The following IQSEC1 variants were observed in gnomAD, a reference collection of about 807,000 sequenced individuals.
The protein encoded by IQSEC1 is IQ motif and Sec7 domain ArfGEF 1.
A neutral mutation model predicts 91.0 loss-of-function variants in IQSEC1; 31 were observed. The observed-to-expected ratio is 0.34, with a 90% CI of 0.26 to 0.46. The LOEUF is 0.46. IQSEC1 is among the 20% of genes least tolerant of loss of function. The pLI, the probability that IQSEC1 is intolerant of heterozygous loss-of-function variation, is 1.00. For missense variants in IQSEC1, 1,388 were observed against 1,575.6 expected, an observed-to-expected ratio of 0.88 and a Z score of 2.02; for synonymous variants, 699 against 662.6, an observed-to-expected ratio of 1.05 and a Z score of -0.84.
chr3:12,997,595 A>G (rs1702271976), intron 1 of IQSEC1, among the ~76,000 whole-genome samples: 1 of 152,244 alleles, frequency 6.6e-6, no homozygotes. Context: ...TAGATGGCAC[A>G]GCCTACTACA....
At chr3:13,108,694 A>G (rs1206996711) in intron 2 of IQSEC1, among the ~76,000 whole-genome samples, 1 of 152,210 alleles carries the variant, frequency 6.6e-6, no homozygotes, top group Non-Finnish European at 1.5e-5. Flanking sequence ...ACCCAGCAGC[A>G]ACCTCATTGC....
chr3:13,027,874 T>C (rs1703682251), intron 1 of IQSEC1, among the ~76,000 whole-genome samples: 1 of 152,362 alleles, frequency 6.6e-6, no homozygotes, highest in South Asian at 2.1e-4. Flanking sequence ...ACGTAACAGC[T>C]CTTGATTTTT....
At chr3:13,106,446 G>T (rs1157068742) in intron 2 of IQSEC1, among the ~76,000 whole-genome samples, 1 of 152,196 alleles carries the variant, frequency 6.6e-6, no homozygotes. Flanking sequence ...GTCAGGTGTG[G>T]TTCTAAGCTC....
At chr3:13,153,419 C>T (rs2124964733) in intron 2 of IQSEC1, among the ~76,000 whole-genome samples, 1 of 152,298 alleles carries the variant, frequency 6.6e-6, no homozygotes, top group Non-Finnish European at 1.5e-5. Flanking sequence ...GAGAAGGTCT[C>T]ATTAGCAGAA....
At chr3:13,163,375 G>A (rs1162288722) in intron 2 of IQSEC1, among the ~76,000 whole-genome samples, 2 of 152,144 alleles carry the variant, frequency 1.3e-5, no homozygotes, top group Non-Finnish European at 2.9e-5. Flanking sequence ...GGGGACTGGG[G>A]GTCCGTGGGC....
At chr3:13,241,583 C>A (rs1224313501) in intron 1 of IQSEC1, among the ~76,000 whole-genome samples, 3 of 152,242 alleles carry the variant, frequency 2.0e-5, no homozygotes, top group Non-Finnish European at 4.4e-5. Flanking sequence ...TTGTCTTCCT[C>A]TTCTGAATAG....
intron 2 of IQSEC1, among the ~76,000 whole-genome samples, chr3:13,122,917 C>T (rs895137988): frequency 2.0e-5 from 3 of 152,180 alleles, no homozygotes; most frequent in East Asian, 3.9e-4. Flanking sequence ...GCCTTGGTCA[C>T]GCTCCCAGGA....
intron 1 of IQSEC1, among the ~76,000 whole-genome samples, chr3:13,219,109 A>AGGAAAAAG (rs1258540164): frequency 6.6e-6 from 1 of 152,194 alleles, no homozygotes; most frequent in African/African-American, 2.4e-5. Context: ...TTTGTGCCAC[A>AGGAAAAAG]GCAGGAAAGG....
rs149304009 is a variant in IQSEC1, at chr3:13,061,453, T to C, written c.23+11539A>G. ...ATAAGTGTTCGTTTATAGGTCCCAG[T>C]TGGCAAAGCAAGAGGGGGATGTGCC... On this transcript the variant is annotated intron_variant, in intron 1 of 13. Coordinates refer to ENST00000613206, the MANE Select transcript of IQSEC1 (RefSeq NM_001134382.3). Among the ~76,000 whole-genome samples the C allele has an allele frequency of 9.5e-4, 144 of 152,328 alleles. 2 individuals carry two copies. Among genetic ancestry groups the C allele is most frequent in the Middle Eastern group, 3.4e-3 (1 of 294 alleles).
intron 1 of IQSEC1, among the ~76,000 whole-genome samples, chr3:13,047,901 C>T (rs569247841): frequency 1.3e-5 from 2 of 152,148 alleles, no homozygotes; most frequent in Non-Finnish European, 2.9e-5. Flanking sequence ...GAGCCCTGCA[C>T]CAGGAATCTC....
intron 2 of IQSEC1, among the ~76,000 whole-genome samples, chr3:13,119,073 CAA>C (rs879469350): frequency 5.3e-5 from 7 of 131,568 alleles, no homozygotes; most frequent in African/African-American, 1.7e-4. Context: ...GACTCTGTCT[CAA>C]AAAAAAAAAA....
chr3:12,956,431 G>A (rs945360313), intron 1 of IQSEC1, among the ~76,000 whole-genome samples: 1 of 152,100 alleles, frequency 6.6e-6, no homozygotes, highest in Non-Finnish European at 1.5e-5. Flanking sequence ...TGCTCCACTG[G>A]GTCCTGTGAG....
At position 13,232,326 on chromosome 3, in the gene IQSEC1, TC is replaced by T. The variant is rs553824866; in HGVS notation, c.272+50384del. Among the ~76,000 whole-genome samples the T allele has an allele frequency of 1.3e-3, 196 of 152,338 alleles. 1 individual carries two copies. The highest frequency in any genetic ancestry group is 4.6e-3 in the African/African-American group (190 of 41,584). ...TGGGGGGCACCAACGCCGAGTGGCT[TC>T]TGCTGCCCTCTTCTCTGGAGGAAGG... On this transcript the variant is annotated intron_variant, in intron 1 of 15. Coordinates refer to the IQSEC1 transcript ENST00000648114.
intron 12 of IQSEC1, among the ~76,000 whole-genome samples, chr3:12,904,600 C>G (rs1694762314): frequency 1.3e-5 from 2 of 152,226 alleles, no homozygotes; most frequent in Non-Finnish European, 2.9e-5. Flanking sequence ...TCCTCCACCC[C>G]CCTCTTGGGT....
chr3:13,196,207 T>C (rs1694122191), intron 1 of IQSEC1, among the ~76,000 whole-genome samples: 1 of 152,080 alleles, frequency 6.6e-6, no homozygotes, highest in Non-Finnish European at 1.5e-5. Flanking sequence ...GCCCATAGTC[T>C]CAGCTAGGTC....
At chr3:13,136,543 G>A (rs577573493) in intron 2 of IQSEC1, among the ~76,000 whole-genome samples, 12 of 152,156 alleles carry the variant, frequency 7.9e-5, no homozygotes, top group Non-Finnish European at 1.8e-4. Flanking sequence ...ACCTACAAAG[G>A]AGGCGGATCC....
intron 1 of IQSEC1, among the ~76,000 whole-genome samples, chr3:13,056,143 G>A (rs866703309): frequency 2.0e-5 from 3 of 152,208 alleles, no homozygotes; most frequent in African/African-American, 7.2e-5. Flanking sequence ...GACCAAGCCT[G>A]TGTGTCGGTG....
At chr3:13,075,970 C>T (rs569240978), upstream of IQSEC1, among the ~76,000 whole-genome samples, 1 of 152,202 alleles carries the variant, frequency 6.6e-6, no homozygotes, top group Non-Finnish European at 1.5e-5. Flanking sequence ...AAGCCCTCGA[C>T]ATCCAATCTC....
In IQSEC1 at chr3:12,909,516, G is replaced by A. The variant is rs751637337; in HGVS notation, c.2417-82C>T. ...TCTCCTCTCTGGTCAGGAAACAATG[G>A]TAGGGCTGAGTTGTGCGTGAGCCTG... On this transcript the variant is annotated intron_variant, in intron 10 of 13. Coordinates refer to ENST00000613206, the MANE Select transcript of IQSEC1 (RefSeq NM_001134382.3). This position sits in a 1 kb window ranked among gnomAD's most constrained non-coding sequence, Gnocchi z 4.9. 13 of 1,373,276 alleles carry A rather than the reference G, an allele frequency of 9.5e-6. No homozygotes were observed. Among genetic ancestry groups the A allele is most frequent in the Non-Finnish European group, 1.3e-5 (13 of 986,638 alleles). The allele number at this position is 1,373,276 out of a possible 1,614,324, so 85.1% of individuals were successfully genotyped here.
Sources: allele counts gnomAD v4.1 joint callset (sites outside exome capture counted in the v4.1 genomes callset), GRCh38; gene constraint gnomAD v4.1.1; non-coding constraint Gnocchi (gnomAD v3.1); transcripts MANE v1.5; gene names NCBI Gene and HGNC (gene_info 2026-07-23, HGNC 2026-07-21).